VSTM4: variants seen among roughly 807,000 people sequenced by gnomAD.
VSTM4 encodes V-set and transmembrane domain-containing protein 4.
In VSTM4, 20 loss-of-function variants were observed where a neutral mutation model predicts 36.4. That is an observed-to-expected ratio of 0.55 (90% CI 0.39 to 0.80). VSTM4 has a LOEUF of 0.80. Ranked by LOEUF, VSTM4 falls within the 30% of genes least tolerant of loss-of-function variation. VSTM4 has a pLI of 0.00. For missense variants in VSTM4, 392 were observed against 404.5 expected (o/e 0.97, Z 0.26); for synonymous variants, 182 against 173.9 (o/e 1.05, Z -0.37).
At chr10:49,067,033 T>C (rs1843986101) in intron 4 of VSTM4, among the ~76,000 whole-genome samples, 1 of 152,168 alleles carries the variant, frequency 6.6e-6, no homozygotes, top group Admixed American at 6.5e-5. Context: ...GGTAGGTACT[T>C]TTTTTCTCAT....
intron 7 of VSTM4, among the ~76,000 whole-genome samples, chr10:49,034,514 G>GT (rs2131944752): frequency 6.6e-6 from 1 of 152,188 alleles, no homozygotes; most frequent in East Asian, 1.9e-4. Context: ...GTGATCACAT[G>GT]TGCTCGTTGG....
chr10:49,107,356 G>A (rs189699978), intron 2 of VSTM4, among the ~76,000 whole-genome samples: 89 of 152,360 alleles, frequency 5.8e-4, no homozygotes, highest in African/African-American at 2.0e-3. Context: ...GGCCATGTTG[G>A]GGCAGGCACT....
chr10:49,056,784 T>C (rs1048447587), intron 5 of VSTM4, among the ~76,000 whole-genome samples: 11 of 152,230 alleles, frequency 7.2e-5, no homozygotes, highest in Non-Finnish European at 8.8e-5. Flanking sequence ...TTCTGAGCCG[T>C]CTTTTCTGTC....
intron 7 of VSTM4, among the ~76,000 whole-genome samples, chr10:49,023,962 C>T (rs1371035780): frequency 2.0e-5 from 3 of 152,154 alleles, no homozygotes; most frequent in East Asian, 3.9e-4. Flanking sequence ...CCGAGTTTTA[C>T]ATTTATATCC....
chr10:49,086,218 A>G (rs4508127), intron 2 of VSTM4, among the ~76,000 whole-genome samples, 195 bp from the exon 3 acceptor site: 50,253 of 152,124 alleles, frequency 0.33, 8,664 homozygotes, highest in South Asian at 0.41. Context: ...AAGTTAAGTC[A>G]TCCATGTTTA....
In VSTM4 at chr10:49,113,403, A is replaced by G. The variant is rs566127571; in HGVS notation, c.55+2028T>C. Among the ~76,000 whole-genome samples the G allele has an allele frequency of 4.6e-5, 7 of 152,316 alleles. No individual in the cohort carries two copies. The East Asian group carries it at 1.4e-3, about 29-fold the overall frequency. ...GATAAAAATATCACCTTGCCCAATG[A>G]TAGAGGCTAATACCTGCCGGGTACA... On this transcript the variant is annotated intron_variant, in intron 1 of 7. Transcript: ENST00000332853.
Position 49,107,904 on chromosome 10 carries a change from G to C in VSTM4, c.147C>G (p.Ser49=). 1 of 1,614,098 alleles carries C rather than the reference G, an allele frequency of 6.2e-7. No individual in the cohort carries two copies. The highest frequency in any genetic ancestry group is 1.7e-5 in the Admixed American group (1 of 60,014). ...GCAAGCTGTCCTTCCGCCTTTTCTG[G>C]GAGACGTGGCAGAGGAGAGTGGCAT... ...GENATLLCHV[S]QKRRKDSLLA... Residue 49 remains serine (S), a synonymous_variant, in exon 2 of 8, where the codon TCC becomes TCG. Coordinates refer to ENST00000332853, the MANE Select transcript of VSTM4 (RefSeq NM_001031746.5).
At chr10:49,095,073 C>T (rs1401052220) in intron 2 of VSTM4, among the ~76,000 whole-genome samples, 1 of 151,612 alleles carries the variant, frequency 6.6e-6, no homozygotes, top group Non-Finnish European at 1.5e-5. Context: ...AAAGGGCAAA[C>T]AAAAAAAATG....
chr10:49,034,044 TATC>T (rs1464737236), intron 7 of VSTM4, among the ~76,000 whole-genome samples: 3 of 150,434 alleles, frequency 2.0e-5, no homozygotes, highest in South Asian at 2.1e-4. Flanking sequence ...TCATCATCAC[TATC>T]ATCATCAATA....
At chr10:49,064,519 G>T in intron 5 of VSTM4, 184 bp downstream of exon 5, 1 of 693,052 alleles carries the variant, frequency 1.4e-6, no homozygotes, top group Non-Finnish European at 2.4e-6. Flanking sequence ...CCCTGGGGGT[G>T]AAAACCAGAC....
At chr10:49,056,918 T>G (rs4264085) in intron 5 of VSTM4, among the ~76,000 whole-genome samples, 1 of 152,048 alleles carries the variant, frequency 6.6e-6, no homozygotes, top group African/African-American at 2.4e-5. Context: ...GGTGCTGGCA[T>G]CTGCTTCTGG....
intron 2 of VSTM4, among the ~76,000 whole-genome samples, chr10:49,098,700 A>G (rs959533050): frequency 4.6e-5 from 7 of 152,142 alleles, no homozygotes; most frequent in African/African-American, 1.7e-4. Context: ...GACATCTCCA[A>G]CATTGCCCTC....
At chr10:49,031,488 T>C (rs897757193) in intron 7 of VSTM4, among the ~76,000 whole-genome samples, 11 of 152,216 alleles carry the variant, frequency 7.2e-5, no homozygotes, top group African/African-American at 1.9e-4. Context: ...TAAACAAGTA[T>C]TGTTTAAACA....
At chr10:49,047,106 T>C in intron 6 of VSTM4, 62 bp from the exon 7 acceptor site, 1 of 1,496,952 alleles carries the variant, frequency 6.7e-7, no homozygotes, top group Non-Finnish European at 9.3e-7. Flanking sequence ...TGGCCACACA[T>C]TATGAGCATC....
intron 1 of VSTM4, among the ~76,000 whole-genome samples, chr10:49,110,716 G>A (rs746216000): frequency 6.6e-6 from 1 of 152,042 alleles, no homozygotes; most frequent in African/African-American, 2.4e-5. Context: ...CACCACAGAG[G>A]GAAGACCCTG....
At chr10:49,102,515 T>C (rs1248359903) in intron 2 of VSTM4, 1 of 985,320 alleles carries the variant, frequency 1.0e-6, no homozygotes, top group Non-Finnish European at 1.2e-6. Flanking sequence ...CATAATGTTG[T>C]GTCTACAGTG....
At chr10:49,038,249 T>C (rs970801845) in intron 7 of VSTM4, among the ~76,000 whole-genome samples, 5 of 152,196 alleles carry the variant, frequency 3.3e-5, no homozygotes, top group African/African-American at 1.2e-4. Context: ...AAATGTGGTA[T>C]ATACTTACAA....
chr10:49,107,379 T>C (rs917080480), intron 2 of VSTM4, among the ~76,000 whole-genome samples: 1 of 152,210 alleles, frequency 6.6e-6, no homozygotes, highest in Non-Finnish European at 1.5e-5. Context: ...GTCCTTTCTG[T>C]TCTCACTTCT....
chr10:49,049,116 C>A (rs1257494347), intron 5 of VSTM4, among the ~76,000 whole-genome samples: 1 of 152,144 alleles, frequency 6.6e-6, no homozygotes, highest in South Asian at 2.1e-4. Flanking sequence ...GTCTGGGGTC[C>A]CCTGTGACTG....
Sources: gnomAD v4.1 joint callset for allele counts (sites outside exome capture counted in the v4.1 genomes callset) on GRCh38, gnomAD v4.1.1 for gene constraint, MANE v1.5 for transcripts, NCBI Gene and HGNC (gene_info 2026-07-23, HGNC 2026-07-21) for gene names.